Variants in KCNIP4 observed in about 807,000 individuals in gnomAD.
KCNIP4 encodes potassium voltage-gated channel interacting protein 4, also known as Kv channel-interacting protein 4.
KCNIP4 carries 12 observed loss-of-function variants against 34.0 expected under a neutral mutation model. The observed-to-expected ratio is 0.35, with a 90% CI of 0.23 to 0.57. The LOEUF (loss-of-function observed/expected upper bound fraction) is 0.57. KCNIP4 is among the 20% of genes least tolerant of loss of function. The pLI, the probability that KCNIP4 is intolerant of heterozygous loss-of-function variation, is 0.83. For missense variants in KCNIP4, 238 were observed against 311.7 expected (o/e 0.76, Z 1.78); for synonymous variants, 124 against 102.2 (o/e 1.21, Z -1.29).
At chr4:21,262,355 C>T (rs1010435860) in intron 1 of KCNIP4, among the ~76,000 whole-genome samples, 3 of 152,126 alleles carry the variant, frequency 2.0e-5, no homozygotes, top group African/African-American at 7.2e-5. Context: ...ATCTGTGTCT[C>T]TTTGTTGGAG....
intron 1 of KCNIP4, among the ~76,000 whole-genome samples, chr4:21,937,602 T>C (rs1319865562): frequency 6.6e-6 from 1 of 152,116 alleles, no homozygotes; most frequent in Non-Finnish European, 1.5e-5. Flanking sequence ...CTTCTCCACT[T>C]TGATATCCAA....
At chr4:21,408,117 G>A (rs1262565061) in intron 1 of KCNIP4, among the ~76,000 whole-genome samples, 1 of 152,124 alleles carries the variant, frequency 6.6e-6, no homozygotes, top group Non-Finnish European at 1.5e-5. Flanking sequence ...AATATTTTTG[G>A]TCCATTTCAA....
At chr4:21,812,307 G>C (rs1021101595) in intron 1 of KCNIP4, among the ~76,000 whole-genome samples, 1 of 152,008 alleles carries the variant, frequency 6.6e-6, no homozygotes. Flanking sequence ...AACAAATATT[G>C]CTCTTTTATA....
At chr4:21,947,431 T>C (rs1730567837) in intron 1 of KCNIP4, among the ~76,000 whole-genome samples, 1 of 152,252 alleles carries the variant, frequency 6.6e-6, no homozygotes, top group Non-Finnish European at 1.5e-5. Flanking sequence ...AAGACTGTTC[T>C]CTTTAAAATT....
At chr4:21,862,599 A>G (rs747807108) in intron 1 of KCNIP4, among the ~76,000 whole-genome samples, 1 of 152,182 alleles carries the variant, frequency 6.6e-6, no homozygotes, top group Non-Finnish European at 1.5e-5. Flanking sequence ...AAGTAAGGGA[A>G]GGGCTGTATT....
intron 1 of KCNIP4, among the ~76,000 whole-genome samples, chr4:21,216,820 T>C (rs1757617955): frequency 6.6e-6 from 1 of 151,866 alleles, no homozygotes; most frequent in Admixed American, 6.6e-5. Context: ...GATAGAAAAA[T>C]CCATAAAGGC....
At chr4:21,912,076 T>C (rs1390806713) in intron 1 of KCNIP4, among the ~76,000 whole-genome samples, 5 of 152,128 alleles carry the variant, frequency 3.3e-5, no homozygotes, top group African/African-American at 7.2e-5. Flanking sequence ...ACATTATTTC[T>C]GTGATAACTC....
chr4:21,726,978 A>C (rs537394016), intron 1 of KCNIP4, among the ~76,000 whole-genome samples: 1 of 152,246 alleles, frequency 6.6e-6, no homozygotes, highest in African/African-American at 2.4e-5. Context: ...AGGGAAGGGG[A>C]ATCTACATGT....
intron 1 of KCNIP4, among the ~76,000 whole-genome samples, chr4:21,187,415 C>T (rs147966426): frequency 1.2e-3 from 189 of 152,238 alleles, no homozygotes; most frequent in African/African-American, 4.2e-3. Context: ...CCAAACACTG[C>T]GGCAAATTGT....
At position 21,141,071 on chromosome 4, in the gene KCNIP4, T is replaced by A. The variant is rs181946528; in HGVS notation, c.62-258362A>T. ...CAACAGAACAAGTCAGACAAACTTT[T>A]TGATTTCCACTGCATAAAATGTTAT... On this transcript the variant is annotated intron_variant, in intron 1 of 8. Transcript: ENST00000382152. Among the ~76,000 whole-genome samples the A allele has an allele frequency of 1.4e-3, 218 of 152,368 alleles. 2 individuals are homozygous for A. Among genetic ancestry groups the A allele is most frequent in the African/African-American group, 4.8e-3 (198 of 41,584 alleles).
chr4:21,192,966 A>T (rs6851950), intron 1 of KCNIP4, among the ~76,000 whole-genome samples: 36,252 of 139,290 alleles, frequency 0.26, 4,990 homozygotes, highest in South Asian at 0.44. Flanking sequence ...TAATAATAAT[A>T]ATTAGTTGGG....
chr4:20,802,559 T>C (rs1304655216), intron 3 of KCNIP4, among the ~76,000 whole-genome samples: 1 of 152,082 alleles, frequency 6.6e-6, no homozygotes, highest in Non-Finnish European at 1.5e-5. Context: ...ACACAACTTT[T>C]TTCACACATG....
At chr4:21,504,973 A>C (rs867435678) in intron 1 of KCNIP4, among the ~76,000 whole-genome samples, 1 of 152,192 alleles carries the variant, frequency 6.6e-6, no homozygotes, top group Admixed American at 6.5e-5. Context: ...TATTCACTAT[A>C]GTAACAAGTA....
intron 1 of KCNIP4, among the ~76,000 whole-genome samples, chr4:21,634,223 CAAAAA>C (rs376741978): frequency 0.31 from 34,947 of 112,640 alleles, 4,506 homozygotes; most frequent in East Asian, 0.52. Context: ...GTTCTTTCCT[CAAAAA>C]AAAAAAAAAA....
chr4:20,757,991 T>G (rs7694208), intron 4 of KCNIP4, among the ~76,000 whole-genome samples: 74,666 of 151,904 alleles, frequency 0.49, 18,787 homozygotes, highest in Middle Eastern at 0.57. Context: ...TATACTTGAG[T>G]TTGACATTGT....
At chr4:21,806,218 G>A (rs1721283179) in intron 1 of KCNIP4, among the ~76,000 whole-genome samples, 1 of 152,140 alleles carries the variant, frequency 6.6e-6, no homozygotes, top group Non-Finnish European at 1.5e-5. Context: ...AAGTTAAGGT[G>A]GGACAATAAA....
intron 1 of KCNIP4, among the ~76,000 whole-genome samples, chr4:21,025,473 T>TGAGAGAGAGAGAGAGAGA (rs33926876): frequency 1.1e-4 from 10 of 95,128 alleles, no homozygotes; most frequent in African/African-American, 3.8e-4. Flanking sequence ...TGAAAACAAC[T>TGAGAGAGAGAGAGAGAGA]GAGAGAGAGA....
chr4:21,924,578 T>C (rs1214276227), intron 1 of KCNIP4, among the ~76,000 whole-genome samples: 2 of 152,144 alleles, frequency 1.3e-5, no homozygotes, highest in South Asian at 2.1e-4. Context: ...ACATGGTCTT[T>C]GGATTAGGCT....
intron 1 of KCNIP4, among the ~76,000 whole-genome samples, chr4:21,247,896 T>G (rs1338391204): frequency 7.4e-6 from 1 of 134,540 alleles, no homozygotes; most frequent in Non-Finnish European, 1.5e-5. Context: ...CAGGTAGATA[T>G]ATATATATAT....
Sources: gnomAD v4.1 joint callset for allele counts (sites outside exome capture counted in the v4.1 genomes callset) on GRCh38, gnomAD v4.1.1 for gene constraint, MANE v1.5 for transcripts, NCBI Gene and HGNC (gene_info 2026-07-23, HGNC 2026-07-21) for gene names.